The following SPTLC3 variants were observed in gnomAD, a reference collection of about 807,000 sequenced individuals.
SPTLC3 encodes the protein serine palmitoyltransferase 3.
In SPTLC3, 36 loss-of-function variants were observed where a neutral mutation model predicts 59.3. That is an observed-to-expected ratio of 0.61 (90% CI 0.47 to 0.80). The LOEUF is 0.80. Among genes scored for constraint, SPTLC3 ranks in the 30% least tolerant of loss-of-function variants. SPTLC3 has a pLI of 0.00. For missense variants in SPTLC3, 625 were observed against 685.1 expected, an observed-to-expected ratio of 0.91 and a Z score of 0.98; for synonymous variants, 257 against 240.8, an observed-to-expected ratio of 1.07 and a Z score of -0.62.
In SPTLC3 at chr20:13,093,821, T is replaced by C. The variant is rs184701001; in HGVS notation, c.826+244T>C. Among the ~76,000 whole-genome samples the C allele has an allele frequency of 7.2e-5, 11 of 152,344 alleles. No individual in the cohort carries two copies. In the East Asian group the frequency reaches 1.9e-3, roughly 27 times the overall value. On this transcript the variant is annotated intron_variant, in intron 6 of 11. Coordinates refer to ENST00000399002, the MANE Select transcript of SPTLC3 (RefSeq NM_018327.4). The stretch of plus-strand genomic sequence containing the variant: ...AATGTCACTGTTAGTGGTTTTGCAA[T>C]GTGGCCTCTAAATACATGATTGATC...
intron 2 of SPTLC3, among the ~76,000 whole-genome samples, chr20:13,060,814 TTGTGTG>T (rs58161980): frequency 0.088 from 13,318 of 150,702 alleles, 636 homozygotes; most frequent in Non-Finnish European, 0.11. Context: ...TGGTATTCCA[TTGTGTG>T]TGTGTGTGTG....
intron 9 of SPTLC3, among the ~76,000 whole-genome samples, chr20:13,145,489 G>A (rs2038488401): frequency 6.6e-6 from 1 of 152,114 alleles, no homozygotes; most frequent in Non-Finnish European, 1.5e-5. Flanking sequence ...AACCAGAGAA[G>A]ACACAAACAA....
At chr20:13,155,853 T>C (rs1202929006) in intron 10 of SPTLC3, among the ~76,000 whole-genome samples, 2 of 152,092 alleles carry the variant, frequency 1.3e-5, no homozygotes, top group Non-Finnish European at 2.9e-5. Context: ...ATAAGTTTTT[T>C]AGCATGCCAC....
chr20:13,081,035 G>T lies in SPTLC3; in HGVS notation c.607+6538G>T, dbSNP rs574893065. On this transcript the variant is annotated intron_variant, in intron 4 of 11. Transcript: ENST00000399002. ...TTAAGTTGCTTAAACTCAAATCCTAGTTCCTCCTGTCGACCTAAAGAAAGA... is the reference window on the plus strand; with the variant it reads ...TTAAGTTGCTTAAACTCAAATCCTATTTCCTCCTGTCGACCTAAAGAAAGA... Among the ~76,000 whole-genome samples the T allele has an allele frequency of 3.9e-5, 6 of 152,266 alleles. No individual in the cohort carries two copies. The South Asian group carries it at 1.2e-3, about 32-fold the overall frequency.
At chr20:13,118,456 AAAAC>A (rs1489889421) in intron 8 of SPTLC3, among the ~76,000 whole-genome samples, 10 of 151,460 alleles carry the variant, frequency 6.6e-5, no homozygotes, top group South Asian at 2.1e-4. Flanking sequence ...GTGGAAAAAA[AAAAC>A]AAAAAAAAAC....
At chr20:13,099,211 T>C (rs1989523380) in intron 6 of SPTLC3, among the ~76,000 whole-genome samples, 2 of 152,096 alleles carry the variant, frequency 1.3e-5, no homozygotes, top group Admixed American at 1.3e-4. Flanking sequence ...CAATGCAATG[T>C]GAGAAAGACT....
intron 2 of SPTLC3, among the ~76,000 whole-genome samples, chr20:13,071,937 T>C (rs1346192938): frequency 1.3e-5 from 2 of 152,212 alleles, no homozygotes; most frequent in Non-Finnish European, 2.9e-5. Flanking sequence ...ACCATTTTTT[T>C]CCAACGAAAC....
At chr20:13,052,013 GAACTAGAGAAACTTGAACAAACC>G (rs1199795532) in intron 2 of SPTLC3, among the ~76,000 whole-genome samples, 2 of 152,068 alleles carry the variant, frequency 1.3e-5, no homozygotes, top group African/African-American at 4.8e-5. Context: ...ACACCTCAAG[GAACTAGAGAAACTTGAACAAACC>G]AAACGCAAAC....
chr20:13,154,692 C>A (rs2038725046), intron 10 of SPTLC3, among the ~76,000 whole-genome samples: 1 of 152,172 alleles, frequency 6.6e-6, no homozygotes, highest in African/African-American at 2.4e-5. Flanking sequence ...GAAGCTCATG[C>A]TCAGTTTCTC....
chr20:13,083,005 A>C (rs991752801), intron 4 of SPTLC3, among the ~76,000 whole-genome samples: 1 of 152,196 alleles, frequency 6.6e-6, no homozygotes, highest in Admixed American at 6.5e-5. Context: ...GAAATGTAAT[A>C]CCAATCCATT....
intron 3 of SPTLC3, 68 bp from the exon 4 acceptor site, chr20:13,074,281 A>C (rs532793978): frequency 6.3e-7 from 1 of 1,579,406 alleles, no homozygotes; most frequent in Non-Finnish European, 8.6e-7. Context: ...GTCTTCCACC[A>C]GGGATTTTTT....
chr20:13,011,191 A>G (rs1340293741), intron 1 of SPTLC3, among the ~76,000 whole-genome samples: 1 of 152,180 alleles, frequency 6.6e-6, no homozygotes, highest in African/African-American at 2.4e-5. Flanking sequence ...ACGAGGGCTT[A>G]TTGTCCCCTC....
At position 13,053,820 on chromosome 20, in the gene SPTLC3, C is replaced by A. The variant is rs146840361; in HGVS notation, c.303+4690C>A. On this transcript the variant is annotated intron_variant, in intron 2 of 11. Coordinates refer to ENST00000399002, the MANE Select transcript of SPTLC3 (RefSeq NM_018327.4). ...TGAAGATCAACTTAATGAAATAAAGCGTGAAAACAAGATTAGGGAAAGAAG... is the reference window on the plus strand; with the variant it reads ...TGAAGATCAACTTAATGAAATAAAGAGTGAAAACAAGATTAGGGAAAGAAG... Among the ~76,000 whole-genome samples the A allele has an allele frequency of 2.0e-5, 3 of 151,814 alleles. No homozygotes were observed. The East Asian group carries it at 5.8e-4, about 29-fold the overall frequency.
intron 9 of SPTLC3, among the ~76,000 whole-genome samples, chr20:13,147,739 G>A (rs188260444): frequency 5.3e-4 from 80 of 152,312 alleles, no homozygotes; most frequent in Middle Eastern, 6.8e-3. Flanking sequence ...CATTTTCCAA[G>A]CAATGCTGCC....
At chr20:13,140,553 A>G (rs992195215) in intron 9 of SPTLC3, among the ~76,000 whole-genome samples, 4 of 152,278 alleles carry the variant, frequency 2.6e-5, no homozygotes, top group African/African-American at 9.6e-5. Flanking sequence ...CATTTTATCT[A>G]CTTTTGAAAG....
chr20:13,019,415 T>C (rs1281135193), intron 1 of SPTLC3, among the ~76,000 whole-genome samples: 2 of 152,210 alleles, frequency 1.3e-5, no homozygotes, highest in Non-Finnish European at 2.9e-5. Context: ...AGTACAGTGC[T>C]ATTTTCTCAT....
chr20:13,040,699 G>A (rs554399510), intron 1 of SPTLC3, among the ~76,000 whole-genome samples: 3 of 149,028 alleles, frequency 2.0e-5, no homozygotes, highest in South Asian at 4.3e-4. Context: ...TTTTTTGGTT[G>A]GATTTGAATC....
chr20:13,049,135 G>A lies in SPTLC3; in HGVS notation c.303+5G>A, dbSNP rs763022588. On this transcript the variant is annotated splice_donor_5th_base_variant and intron_variant, in intron 2 of 11. Transcript: ENST00000399002. ...GTGGAAAGAAAAGAACAAAAAGTAC[G>A]TATGCGCACCTCCCTGGATCTTTGT... 1.2e-5 allele frequency: 20 copies of A among 1,612,668 alleles called. No individual in the cohort carries two copies. The highest frequency in any genetic ancestry group is 6.7e-5 in the East Asian group (3 of 44,798).
At chr20:13,063,387 A>G (rs1988047540) in intron 2 of SPTLC3, among the ~76,000 whole-genome samples, 1 of 151,930 alleles carries the variant, frequency 6.6e-6, no homozygotes, top group Admixed American at 6.6e-5. Flanking sequence ...TATTTGCATT[A>G]TATTTAGCCG....
Sources: gnomAD v4.1 joint callset for allele counts (sites outside exome capture counted in the v4.1 genomes callset) on GRCh38, gnomAD v4.1.1 for gene constraint, MANE v1.5 for transcripts, NCBI Gene and HGNC (gene_info 2026-07-23, HGNC 2026-07-21) for gene names.